COL19A1: variants seen among roughly 807,000 people sequenced by gnomAD.
The protein encoded by COL19A1 is collagen type XIX alpha 1 chain, also known as collagen alpha-1(XIX) chain.
In COL19A1, 159 loss-of-function variants were observed where a neutral mutation model predicts 190.2. That is an observed-to-expected ratio of 0.84 (90% CI 0.73 to 0.95). COL19A1 has a LOEUF of 0.95. COL19A1 is among the 40% of genes least tolerant of loss of function. The probability of loss-of-function intolerance (pLI) is 0.00; values close to 1 mark genes in which losing one functional copy is unlikely to be tolerated. For synonymous variants in COL19A1, 509 were observed against 458.9 expected, an observed-to-expected ratio of 1.11 and a Z score of -1.39; for missense variants, 1,418 against 1,431.9, an observed-to-expected ratio of 0.99 and a Z score of 0.16.
intron 4 of COL19A1, among the ~76,000 whole-genome samples, chr6:69,925,790 G>A (rs927593534): frequency 5.3e-5 from 8 of 152,114 alleles, no homozygotes. Flanking sequence ...TCTCCTTGAA[G>A]AGGTCCTTCA....
chr6:70,188,086 G>T lies in COL19A1; in HGVS notation c.2868G>T (p.Gly956=). Residue 956 remains glycine, a synonymous_variant, in exon 47 of 51, where the codon GGG becomes GGT. Transcript: ENST00000620364. The part of the protein sequence containing the change: ...RGPKGERGDQ[G]IPGDRGSQGE... The stretch of plus-strand genomic sequence containing the variant: ...TTTTTCCTTAACAGGGTGATCAGGG[G>T]ATTCCAGGAGACAGAGGCTCACAAG... 6.2e-7 allele frequency: 1 copy of T among 1,613,428 alleles called. No individual in the cohort carries two copies. The highest frequency in any genetic ancestry group is 8.5e-7 in the Non-Finnish European group (1 of 1,179,698).
rs945205185 is a variant in COL19A1 at position 70,100,948 on chromosome 6, A to G, written c.1225-1221A>G. 3.9e-5 allele frequency among the ~76,000 whole-genome samples: 6 copies of G among 152,224 alleles called. No individual in the cohort carries two copies. In the East Asian group the frequency reaches 9.7e-4, roughly 24 times the overall value. On this transcript the variant is annotated intron_variant, in intron 15 of 50. Transcript: ENST00000620364. ...ATCCCAGCATTGTATTTGCTTGTTT[A>G]TCTCTGAAAACTTACTCTACTGTTT...
intron 36 of COL19A1, among the ~76,000 whole-genome samples, chr6:70,165,493 G>A (rs1349634513): frequency 6.6e-6 from 1 of 152,022 alleles, no homozygotes; most frequent in Admixed American, 6.6e-5. Flanking sequence ...TTTTACTTTC[G>A]TCAAATTATG....
At chr6:69,942,841 G>C (rs1315879666) in intron 9 of COL19A1, among the ~76,000 whole-genome samples, 1 of 151,934 alleles carries the variant, frequency 6.6e-6, no homozygotes, top group Admixed American at 6.6e-5. Context: ...TAGCGATTGT[G>C]AGTAGTGCTG....
At chr6:70,142,105 G>T in intron 22 of COL19A1, 29 bp downstream of exon 22, 1 of 1,593,490 alleles carries the variant, frequency 6.3e-7, no homozygotes, top group Non-Finnish European at 8.6e-7. Flanking sequence ...AGATTTCTTG[G>T]GAAATAATTT....
intron 3 of COL19A1, among the ~76,000 whole-genome samples, chr6:69,899,263 C>T (rs10428870): frequency 1.3e-5 from 2 of 150,954 alleles, no homozygotes; most frequent in East Asian, 1.9e-4. Context: ...CTCCTGGGTA[C>T]GAGCAATTCT....
chr6:70,129,731 T>C (rs1442782337), intron 17 of COL19A1, among the ~76,000 whole-genome samples: 1 of 152,200 alleles, frequency 6.6e-6, no homozygotes, highest in Non-Finnish European at 1.5e-5. Flanking sequence ...GCCTGAGAAC[T>C]TGCATTTTTT....
chr6:70,137,632 A>G, intron 18 of COL19A1, 53 bp from the exon 19 acceptor site: 1 of 1,533,954 alleles, frequency 6.5e-7, no homozygotes, highest in South Asian at 1.1e-5. Flanking sequence ...TGACAGTCAC[A>G]ATAATGCTTC....
intron 17 of COL19A1, among the ~76,000 whole-genome samples, chr6:70,123,482 C>T (rs1785004329): frequency 6.7e-6 from 1 of 150,348 alleles, no homozygotes; most frequent in African/African-American, 2.5e-5. Context: ...GACTATAAAT[C>T]ATGCTGCTAT....
chr6:70,001,438 G>A (rs184852117), intron 11 of COL19A1, among the ~76,000 whole-genome samples: 111 of 152,268 alleles, frequency 7.3e-4, no homozygotes, highest in African/African-American at 2.6e-3. Flanking sequence ...GAATAGCGCT[G>A]GATCTACAAA....
At chr6:69,907,002 G>A (rs1770594430) in intron 4 of COL19A1, among the ~76,000 whole-genome samples, 2 of 151,898 alleles carry the variant, frequency 1.3e-5, no homozygotes, top group South Asian at 2.1e-4. Flanking sequence ...CATATGTGTT[G>A]TAACATGATG....
rs758336447 is a variant in COL19A1, at chr6:70,207,171, G to A, written c.3326G>A (p.Gly1109Asp). 1.5e-5 allele frequency: 25 copies of A among 1,613,484 alleles called. 1 individual carries two copies. The Middle Eastern group carries it at 1.5e-3, about 96-fold the overall frequency. Residue 1109 changes from glycine (G) to aspartate (D), a missense_variant, in exon 51 of 51, where the codon GGT (glycine) becomes GAT (aspartate). Physicochemically the swap from Gly to Asp is moderately conservative, Grantham distance 94. Coordinates refer to ENST00000620364, the MANE Select transcript of COL19A1 (RefSeq NM_001858.6). ...GCTCTGGGTTTGCCAGGCTCACCAG[G>A]TGCCCCAGGCCCACAGGGCCCCCCA... ...TSALGLPGSP[G>D]APGPQGPPGP...
At chr6:69,891,615 C>T (rs768859051) in intron 2 of COL19A1, among the ~76,000 whole-genome samples, 7 of 152,284 alleles carry the variant, frequency 4.6e-5, no homozygotes, top group South Asian at 2.1e-4. Flanking sequence ...CAAGTCACAG[C>T]GACCTTGGCA....
intron 4 of COL19A1, among the ~76,000 whole-genome samples, chr6:69,923,287 CCTCT>C (rs1469223168): frequency 6.6e-6 from 1 of 152,032 alleles, no homozygotes; most frequent in Non-Finnish European, 1.5e-5. Context: ...TATTCATATC[CCTCT>C]CTCTCCAACA....
intron 5 of COL19A1, among the ~76,000 whole-genome samples, chr6:69,929,222 A>G (rs1264091331): frequency 6.6e-6 from 1 of 152,016 alleles, no homozygotes; most frequent in Non-Finnish European, 1.5e-5. Flanking sequence ...TACATTCACC[A>G]GAATGCCCCA....
At chr6:69,952,869 G>T (rs1934902) in intron 9 of COL19A1, among the ~76,000 whole-genome samples, 1,668 of 152,092 alleles carry the variant, frequency 0.011, 10 homozygotes, top group Middle Eastern at 0.037. Flanking sequence ...GTGCAGACAA[G>T]GCCAATCACT....
At chr6:69,914,857 T>C (rs1213473201) in intron 4 of COL19A1, among the ~76,000 whole-genome samples, 1 of 152,228 alleles carries the variant, frequency 6.6e-6, no homozygotes, top group African/African-American at 2.4e-5. Context: ...GAAATGAAAT[T>C]TCTCTAGAAT....
chr6:69,961,371 C>G (rs1345540044), intron 10 of COL19A1, among the ~76,000 whole-genome samples: 1 of 152,170 alleles, frequency 6.6e-6, no homozygotes, highest in Non-Finnish European at 1.5e-5. Flanking sequence ...AGACAAAACC[C>G]ATTAATACAG....
intron 35 of COL19A1, among the ~76,000 whole-genome samples, chr6:70,162,577 A>T (rs966777206): frequency 1.2e-4 from 18 of 152,192 alleles, no homozygotes; most frequent in Non-Finnish European, 1.5e-5. Flanking sequence ...AATTTCAGAT[A>T]AACAAATAAT....
Sources: gnomAD v4.1 joint callset for allele counts (sites outside exome capture counted in the v4.1 genomes callset) on GRCh38, gnomAD v4.1.1 for gene constraint, MANE v1.5 for transcripts, NCBI Gene and HGNC (gene_info 2026-07-23, HGNC 2026-07-21) for gene names.